Variants in VPS13B observed in about 807,000 individuals in gnomAD.
The protein encoded by VPS13B is intermembrane lipid transfer protein VPS13B.
Under a neutral mutation model 426.4 loss-of-function variants are expected in VPS13B, and 285 were observed. That is an observed-to-expected ratio of 0.67 (90% confidence interval 0.61 to 0.74). The LOEUF (loss-of-function observed/expected upper bound fraction) is 0.74, where lower values mean the gene tolerates loss of function less well. VPS13B is among the 30% of genes least tolerant of loss of function. The probability of loss-of-function intolerance (pLI) is 0.00; values close to 1 mark genes in which losing one functional copy is unlikely to be tolerated. For missense variants in VPS13B, 4,537 were observed against 4,782.6 expected (o/e 0.95, Z 1.51); for synonymous variants, 1,676 against 1,676.4 (o/e 1.00, Z 0.01).
intron 3 of VPS13B, among the ~76,000 whole-genome samples, chr8:99,042,141 A>G (rs1361331711): frequency 1.4e-5 from 2 of 145,118 alleles, no homozygotes; most frequent in African/African-American, 5.0e-5. Flanking sequence ...ACTCCATCTC[A>G]AAAAAAAAAA....
intron 35 of VPS13B, among the ~76,000 whole-genome samples, chr8:99,682,257 G>T (rs1199925023): frequency 6.6e-6 from 1 of 152,122 alleles, no homozygotes; most frequent in Non-Finnish European, 1.5e-5. Flanking sequence ...TTGAGACCAG[G>T]AGTTTGAGAC....
In VPS13B at chr8:99,467,421, T is replaced by C. The variant is rs1014978049; in HGVS notation, c.3453T>C (p.Ala1151=). Residue 1151 remains alanine, a synonymous_variant, in exon 24 of 62, where the codon GCT becomes GCC. Transcript: ENST00000357162. ...TTTTATCCCCTATATCAGGTGATGC[T>C]TTTCCTTGGACGATCAGCTTGCATA... ...IPRPILEEGD[A]FPWTISLHNF... The C allele has an allele frequency of 1.2e-6, 2 of 1,613,678 alleles. No homozygotes were observed. Among genetic ancestry groups the C allele is most frequent in the Admixed American group, 3.3e-5 (2 of 59,986 alleles).
At chr8:99,429,917 C>T (rs1478342186) in intron 21 of VPS13B, among the ~76,000 whole-genome samples, 1 of 152,074 alleles carries the variant, frequency 6.6e-6, no homozygotes, top group East Asian at 1.9e-4. Flanking sequence ...TGACCTGGTC[C>T]CTATATATAG....
At chr8:99,515,421 C>T (rs1161459519) in intron 29 of VPS13B, among the ~76,000 whole-genome samples, 1 of 151,802 alleles carries the variant, frequency 6.6e-6, no homozygotes, top group African/African-American at 2.4e-5. Context: ...CCTCCTCCTC[C>T]TCCTCCTGCT....
At chr8:99,592,692 C>A (rs1233800779) in intron 33 of VPS13B, among the ~76,000 whole-genome samples, 1 of 152,042 alleles carries the variant, frequency 6.6e-6, no homozygotes, top group African/African-American at 2.4e-5. Flanking sequence ...ACCAAAACAG[C>A]ATGGTACTGA....
intron 39 of VPS13B, among the ~76,000 whole-genome samples, chr8:99,724,384 C>A (rs565273052): frequency 2.6e-5 from 4 of 152,132 alleles, no homozygotes; most frequent in Non-Finnish European, 5.9e-5. Flanking sequence ...ATACTAGAGG[C>A]ACAGCTAAAA....
chr8:99,795,694 A>G (rs1812771013), intron 43 of VPS13B, among the ~76,000 whole-genome samples: 1 of 152,142 alleles, frequency 6.6e-6, no homozygotes, highest in Admixed American at 6.5e-5. Context: ...ACTCCTCTGA[A>G]GGCTCATCTG....
chr8:99,331,885 A>G (rs947798858), intron 19 of VPS13B, among the ~76,000 whole-genome samples: 5 of 151,808 alleles, frequency 3.3e-5, no homozygotes, highest in South Asian at 4.1e-4. Flanking sequence ...TTGGAGTTCA[A>G]CGTTGTAACT....
intron 39 of VPS13B, among the ~76,000 whole-genome samples, chr8:99,744,146 A>G (rs1018124934): frequency 6.6e-6 from 1 of 152,104 alleles, no homozygotes; most frequent in African/African-American, 2.4e-5. Flanking sequence ...AACCCATCAA[A>G]AAGTGGGTGA....
At chr8:99,807,064 A>C (rs186074430) in intron 43 of VPS13B, among the ~76,000 whole-genome samples, 1 of 152,332 alleles carries the variant, frequency 6.6e-6, no homozygotes, top group African/African-American at 2.4e-5. Context: ...AAACATTACA[A>C]ATGTTCCATT....
intron 54 of VPS13B, among the ~76,000 whole-genome samples, chr8:99,843,224 G>A (rs75910809): frequency 0.011 from 1,687 of 152,162 alleles, 34 homozygotes; most frequent in African/African-American, 0.039. Context: ...ATGGCAAAAC[G>A]GTGAGTCTCT....
At chr8:99,085,437 G>A (rs1440660332) in intron 3 of VPS13B, among the ~76,000 whole-genome samples, 1 of 152,154 alleles carries the variant, frequency 6.6e-6, no homozygotes, top group South Asian at 2.1e-4. Context: ...TTTAAGTGGA[G>A]CATTTAGCCC....
At chr8:99,163,721 A>C (rs1811822857) in intron 15 of VPS13B, among the ~76,000 whole-genome samples, 1 of 152,264 alleles carries the variant, frequency 6.6e-6, no homozygotes, top group East Asian at 1.9e-4. Context: ...CCATGTCCAC[A>C]CAGAACTCCA....
At chr8:99,553,983 A>T (rs1242128968) in intron 30 of VPS13B, among the ~76,000 whole-genome samples, 2 of 152,064 alleles carry the variant, frequency 1.3e-5, no homozygotes, top group Non-Finnish European at 2.9e-5. Flanking sequence ...ACCTGTGGGA[A>T]ATAATTGATA....
At chr8:99,831,352 T>C (rs1815049298) in intron 51 of VPS13B, among the ~76,000 whole-genome samples, 1 of 152,172 alleles carries the variant, frequency 6.6e-6, no homozygotes, top group Non-Finnish European at 1.5e-5. Flanking sequence ...ATTACAGACA[T>C]GAGCCACTGG....
At chr8:99,251,044 A>ATG (rs201211200) in intron 17 of VPS13B, among the ~76,000 whole-genome samples, 5 of 151,592 alleles carry the variant, frequency 3.3e-5, no homozygotes, top group Middle Eastern at 3.2e-3. Flanking sequence ...TACTTCTAGA[A>ATG]TGTGTGTGTG....
chr8:99,776,309 C>T (rs1192710535), intron 40 of VPS13B, among the ~76,000 whole-genome samples: 1 of 152,146 alleles, frequency 6.6e-6, no homozygotes, highest in Non-Finnish European at 1.5e-5. Flanking sequence ...TTTGAGGAAT[C>T]CTTTAAAAGT....
chr8:99,172,228 A>T (rs2132669117), intron 16 of VPS13B, among the ~76,000 whole-genome samples: 1 of 152,310 alleles, frequency 6.6e-6, no homozygotes, highest in Admixed American at 6.5e-5. Flanking sequence ...GAGGGTTCAA[A>T]TGTGTGATTC....
intron 17 of VPS13B, among the ~76,000 whole-genome samples, chr8:99,220,757 G>A (rs1815660197): frequency 6.7e-6 from 1 of 148,980 alleles, no homozygotes; most frequent in Non-Finnish European, 1.5e-5. Flanking sequence ...AGGAAGAACT[G>A]AGAAATTCTT....
Sources: allele counts gnomAD v4.1 joint callset (sites outside exome capture counted in the v4.1 genomes callset), GRCh38; gene constraint gnomAD v4.1.1; transcripts MANE v1.5; gene names NCBI Gene and HGNC (gene_info 2026-07-23, HGNC 2026-07-21).